ACOT7: variants seen among roughly 807,000 people sequenced by gnomAD.
ACOT7 encodes cytosolic acyl coenzyme A thioester hydrolase.
ACOT7 carries 12 observed loss-of-function variants against 40.2 expected under a neutral mutation model. The ratio of observed to expected loss-of-function variants is 0.30; its 90% confidence interval spans 0.19 to 0.48. ACOT7 has a LOEUF of 0.48. ACOT7 is among the 20% of genes least tolerant of loss of function. ACOT7 has a pLI of 0.99. For synonymous variants in ACOT7, 228 were observed against 219.5 expected (o/e 1.04, Z -0.34); for missense variants, 395 against 530.8 (o/e 0.74, Z 2.51).
At chr1:6,392,038 T>C (rs1379065000) in intron 1 of ACOT7, among the ~76,000 whole-genome samples, 2 of 151,850 alleles carry the variant, frequency 1.3e-5, no homozygotes, top group East Asian at 1.9e-4. Context: ...CCCAAAGACG[T>C]TCCCCCTCTG....
intron 1 of ACOT7, among the ~76,000 whole-genome samples, chr1:6,386,508 A>C (rs1176024111): frequency 6.6e-6 from 1 of 152,176 alleles, no homozygotes; most frequent in Non-Finnish European, 1.5e-5. Context: ...CGGATTTCCC[A>C]GTACGACATC....
At chr1:6,388,299 T>A (rs1422444490) in intron 1 of ACOT7, among the ~76,000 whole-genome samples, 1 of 151,778 alleles carries the variant, frequency 6.6e-6, no homozygotes, top group Non-Finnish European at 1.5e-5. Flanking sequence ...TTAGTAGAGA[T>A]GGGGTTTCAC....
intron 7 of ACOT7, among the ~76,000 whole-genome samples, chr1:6,284,601 AATTCCAGC>A (rs920381258): frequency 5.4e-5 from 8 of 147,002 alleles, no homozygotes; most frequent in African/African-American, 2.0e-4. Context: ...AAAAAAAAAG[AATTCCAGC>A]ATTCCAGCTA....
chr1:6,328,274 A>G (rs1415037243), intron 4 of ACOT7, among the ~76,000 whole-genome samples: 1 of 152,274 alleles, frequency 6.6e-6, no homozygotes, highest in South Asian at 2.1e-4. Flanking sequence ...ATTGGTAGAG[A>G]ATGGGCAGTA....
chr1:6,280,953 G>T, intron 8 of ACOT7, 149 bp downstream of exon 8: 1 of 1,118,534 alleles, frequency 8.9e-7, no homozygotes, highest in Non-Finnish European at 1.3e-6. Flanking sequence ...GAGGTCACCG[G>T]TCACGGCAGT....
intron 5 of ACOT7, among the ~76,000 whole-genome samples, chr1:6,319,297 A>AC (rs372981754): frequency 3.9e-5 from 6 of 152,284 alleles, no homozygotes; most frequent in African/African-American, 1.4e-4. Flanking sequence ...GGTCCAAGCA[A>AC]TTCTTGTGCC....
chr1:6,380,763 A>G (rs1279957280), intron 1 of ACOT7, among the ~76,000 whole-genome samples: 1 of 151,540 alleles, frequency 6.6e-6, no homozygotes, highest in Admixed American at 6.6e-5. Flanking sequence ...AGTAAAACCT[A>G]AAACTATAAA....
At chr1:6,374,204 C>G (rs1031043098) in intron 1 of ACOT7, among the ~76,000 whole-genome samples, 1 of 152,216 alleles carries the variant, frequency 6.6e-6, no homozygotes, top group Non-Finnish European at 1.5e-5. Flanking sequence ...GCTGCGCCCA[C>G]GTCCCTCAGC....
chr1:6,350,397 C>G (rs1433233286), intron 1 of ACOT7, among the ~76,000 whole-genome samples: 1 of 152,254 alleles, frequency 6.6e-6, no homozygotes, highest in Non-Finnish European at 1.5e-5. Context: ...GCGCGCTAAG[C>G]TCCTCTGTGG....
rs1391985251 is a variant in ACOT7, at chr1:6,393,489, C to T, written c.-90G>A. The T allele has an allele frequency of 1.1e-5, 12 of 1,135,682 alleles. No individual in the cohort carries two copies. Among genetic ancestry groups the T allele is most frequent in the African/African-American group, 1.6e-5 (1 of 61,820 alleles). 70.4% of individuals were successfully genotyped at this position (1,135,682 alleles called of 1,614,324 possible). A position where few individuals can be genotyped will look rare whatever the true frequency, so the allele number is the denominator to read the frequency against. On this transcript the variant is annotated 5_prime_UTR_variant, in exon 1 of 9. Transcript: ENST00000361521. ...CGAACGCGGCCTCCCCGCGCCGACCCCGCCCCCGCGCCGGCCCCACCCCGA... is the reference window on the plus strand; with the variant it reads ...CGAACGCGGCCTCCCCGCGCCGACCTCGCCCCCGCGCCGGCCCCACCCCGA...
chr1:6,375,931 C>T (rs1478758942), intron 1 of ACOT7, among the ~76,000 whole-genome samples: 2 of 136,418 alleles, frequency 1.5e-5, no homozygotes, highest in Non-Finnish European at 3.0e-5. Flanking sequence ...GAGCGAGACT[C>T]CACCTCAAAA....
chr1:6,264,550 G>A lies in ACOT7; in HGVS notation c.*47C>T. 4.5e-6 allele frequency: 7 copies of A among 1,563,904 alleles called. No individual in the cohort carries two copies. The highest frequency in any genetic ancestry group is 6.1e-6 in the Non-Finnish European group (7 of 1,146,236). On this transcript the variant is annotated 3_prime_UTR_variant, in exon 9 of 9. Transcript: ENST00000361521. Reference sequence around the variant, plus strand: ...GAACTTCTAAGTGACTGGACACTGGGCCCGTTGCCATGGCTACTCGAGGCA... The same window carrying A: ...GAACTTCTAAGTGACTGGACACTGGACCCGTTGCCATGGCTACTCGAGGCA...
intron 7 of ACOT7, among the ~76,000 whole-genome samples, chr1:6,284,223 C>A (rs1367397209): frequency 6.6e-6 from 1 of 152,126 alleles, no homozygotes; most frequent in Non-Finnish European, 1.5e-5. Context: ...TCCCAGGGGA[C>A]CTCGGGGGGA....
intron 5 of ACOT7, among the ~76,000 whole-genome samples, chr1:6,326,210 G>A (rs574101501): frequency 1.3e-5 from 2 of 152,290 alleles, no homozygotes; most frequent in Non-Finnish European, 2.9e-5. Flanking sequence ...CTGCCACTAC[G>A]ACAACATGAC....
intron 1 of ACOT7, among the ~76,000 whole-genome samples, chr1:6,373,773 G>A (rs1021508442): frequency 6.6e-6 from 1 of 151,962 alleles, no homozygotes; most frequent in Admixed American, 6.6e-5. Context: ...GCTGAGGCAG[G>A]AGAATCGCTT....
In ACOT7 at chr1:6,264,611, C is replaced by T. The variant is rs767579371; in HGVS notation, c.1099G>A (p.Glu367Lys). The T allele has an allele frequency of 2.5e-6, 4 of 1,612,602 alleles. No individual in the cohort carries two copies. The highest frequency in any genetic ancestry group is 2.2e-5 in the South Asian group (2 of 90,966). ...GAGGAGGGAGTCTAGGGCTGAGGCTCCGCGTGGCCCTGTCGCTTCGCCTTC... is the reference window on the plus strand; with the variant it reads ...GAGGAGGGAGTCTAGGGCTGAGGCTTCGCGTGGCCCTGTCGCTTCGCCTTC... Reference protein sequence around the residue: ...QMKAKRQGHAEPQP With the variant: ...QMKAKRQGHAKPQP Residue 367 changes from glutamate to lysine, a missense_variant, in exon 9 of 9, where the codon GAG (glutamate) becomes AAG (lysine). Physicochemically the swap from Glu to Lys is moderately conservative, Grantham distance 56 (BLOSUM62 1). Transcript: ENST00000361521.
intron 6 of ACOT7, among the ~76,000 whole-genome samples, chr1:6,304,728 C>T (rs1640076335): frequency 7.5e-6 from 1 of 133,102 alleles, no homozygotes; most frequent in South Asian, 2.5e-4. Flanking sequence ...CACAGATCAA[C>T]AGGATCCCAA....
At chr1:6,314,096 G>A (rs535108305) in intron 6 of ACOT7, among the ~76,000 whole-genome samples, 45 of 152,300 alleles carry the variant, frequency 3.0e-4, no homozygotes, top group African/African-American at 9.9e-4. Flanking sequence ...GAACAGTTCC[G>A]TGGCAGGCAG....
intron 8 of ACOT7, among the ~76,000 whole-genome samples, chr1:6,266,739 G>A (rs983052720): frequency 3.9e-5 from 6 of 152,272 alleles, no homozygotes; most frequent in African/African-American, 1.2e-4. Context: ...TGCCTGCAGC[G>A]GCAAGGCCGA....
Sources: gnomAD v4.1 joint callset for allele counts (sites outside exome capture counted in the v4.1 genomes callset) on GRCh38, gnomAD v4.1.1 for gene constraint, MANE v1.5 for transcripts, NCBI Gene and HGNC (gene_info 2026-07-23, HGNC 2026-07-21) for gene names.